SPINK5: variants seen among roughly 807,000 people sequenced by gnomAD.
The protein encoded by SPINK5 is serine protease inhibitor Kazal-type 5.
Under a neutral mutation model 151.8 loss-of-function variants are expected in SPINK5, and 125 were observed. The observed-to-expected ratio is 0.82, with a 90% CI of 0.71 to 0.96. The LOEUF is 0.96. Ranked by LOEUF, SPINK5 falls within the 40% of genes least tolerant of loss-of-function variation. The pLI is 0.00. For missense variants in SPINK5, 1,194 were observed against 1,291.9 expected (o/e 0.92, Z 1.16); for synonymous variants, 374 against 395.3 (o/e 0.95, Z 0.64).
intron 4 of SPINK5, among the ~76,000 whole-genome samples, chr5:148,085,726 G>A (rs917805369): frequency 1.1e-4 from 16 of 151,866 alleles, no homozygotes; most frequent in South Asian, 4.2e-4. Context: ...TTCTCCTGCC[G>A]TACCTAAAAG....
intron 16 of SPINK5, among the ~76,000 whole-genome samples, chr5:148,106,536 C>T (rs1753786829): frequency 6.6e-6 from 1 of 151,894 alleles, no homozygotes; most frequent in African/African-American, 2.4e-5. Context: ...CAGAGTTTTG[C>T]TATTGTGTCC....
At chr5:148,127,167 G>T (rs575377032) in intron 30 of SPINK5, 88 bp downstream of exon 30, 3 of 1,177,086 alleles carry the variant, frequency 2.5e-6, no homozygotes, top group South Asian at 1.3e-5. Flanking sequence ...TTTCATAGAA[G>T]GGTCTGAGGT....
chr5:148,077,637 G>GTATATATATATATATATATA lies in SPINK5; in HGVS notation c.282+5421_282+5440dup, dbSNP rs71001472. 3.6e-3 allele frequency among the ~76,000 whole-genome samples: 484 copies of GTATATATATATATATATATA among 134,902 alleles called. 12 individuals carry two copies. Among genetic ancestry groups the GTATATATATATATATATATA allele is most frequent in the African/African-American group, 0.013 (437 of 34,310 alleles). 88.5% of individuals were successfully genotyped at this position (134,902 alleles called of 152,430 possible). On this transcript the variant is annotated intron_variant, in intron 4 of 32. Coordinates refer to ENST00000256084, the MANE Select transcript of SPINK5 (RefSeq NM_006846.4). The stretch of plus-strand genomic sequence containing the variant: ...AACAATTATAATGCTGTTTTATCAG[G>GTATATATATATATATATATA]TATATATATATATATATATATATGA...
At chr5:148,118,013 GTTTT>G (rs908097800) in intron 22 of SPINK5, among the ~76,000 whole-genome samples, 18 of 148,834 alleles carry the variant, frequency 1.2e-4, no homozygotes, top group Admixed American at 4.7e-4. Flanking sequence ...GATGTTAGGG[GTTTT>G]TTTGTTTGTT....
intron 2 of SPINK5, among the ~76,000 whole-genome samples, chr5:148,066,724 G>A (rs977604126): frequency 1.3e-5 from 2 of 152,096 alleles, no homozygotes; most frequent in Non-Finnish European, 2.9e-5. Flanking sequence ...ATATCATTGT[G>A]TATAAAACCA....
At chr5:148,065,293 G>A (rs1426235293) in intron 1 of SPINK5, 54 bp from the exon 2 acceptor site, 1 of 1,580,624 alleles carries the variant, frequency 6.3e-7, no homozygotes, top group South Asian at 1.1e-5. Flanking sequence ...TATTTGTTTT[G>A]TTTATTAAAT....
intron 16 of SPINK5, among the ~76,000 whole-genome samples, chr5:148,106,759 A>G (rs576218459): frequency 5.3e-4 from 81 of 152,300 alleles, no homozygotes; most frequent in African/African-American, 1.9e-3. Flanking sequence ...AAGCCTGCCT[A>G]TGGAATCTTC....
chr5:148,074,072 G>C (rs574633286), intron 4 of SPINK5, among the ~76,000 whole-genome samples: 1 of 151,548 alleles, frequency 6.6e-6, no homozygotes, highest in Non-Finnish European at 1.5e-5. Context: ...TGTGTTTTTT[G>C]TTGTTGTTGT....
chr5:148,094,582 G>A, intron 9 of SPINK5, 101 bp downstream of exon 9: 1 of 1,593,334 alleles, frequency 6.3e-7, no homozygotes, highest in Non-Finnish European at 8.6e-7. Flanking sequence ...CTTTGTTGTT[G>A]AGAACCATCT....
chr5:148,076,067 C>T (rs897357869), intron 4 of SPINK5, among the ~76,000 whole-genome samples: 4 of 151,798 alleles, frequency 2.6e-5, no homozygotes, highest in African/African-American at 9.7e-5. Context: ...TATAAAGCTG[C>T]GCATATCCGC....
At chr5:148,081,022 G>A (rs1396552399) in intron 4 of SPINK5, among the ~76,000 whole-genome samples, 2 of 151,452 alleles carry the variant, frequency 1.3e-5, no homozygotes, top group African/African-American at 2.4e-5. Flanking sequence ...AACAAGATGC[G>A]CAACACCGTT....
intron 30 of SPINK5, among the ~76,000 whole-genome samples, chr5:148,129,083 A>G (rs1484183501): frequency 6.6e-6 from 1 of 152,180 alleles, no homozygotes; most frequent in Non-Finnish European, 1.5e-5. Context: ...ACCTAAGGGT[A>G]TTGATTCTGT....
chr5:148,096,995 A>G (rs2113102131), intron 10 of SPINK5, among the ~76,000 whole-genome samples: 1 of 151,856 alleles, frequency 6.6e-6, no homozygotes, highest in East Asian at 1.9e-4. Flanking sequence ...TGATATTCAA[A>G]TATCTGTCAA....
chr5:148,091,031 AAATGCTTGTCTCTTGTAAGAGGATC>A (rs1175161066), intron 7 of SPINK5, 109 bp from the exon 8 acceptor site: 2 of 748,616 alleles, frequency 2.7e-6, no homozygotes, highest in African/African-American at 3.5e-5. Context: ...TTGAAGACGG[AAATGCTTGTCTCTTGTAAGAGGATC>A]ATTTTCAGCA....
At chr5:148,114,242 A>AT in intron 20 of SPINK5, 120 bp from the exon 21 acceptor site, 1 of 1,230,794 alleles carries the variant, frequency 8.1e-7, no homozygotes, top group South Asian at 1.4e-5. Flanking sequence ...AACTGCCAGA[A>AT]AAAAAATTCT....
In SPINK5 at chr5:148,111,783, T is replaced by C. The variant is rs746283100; in HGVS notation, c.1708T>C (p.Tyr570His). Residue 570 changes from tyrosine (Y) to histidine (H), a missense_variant, in exon 19 of 33, where the codon TAT becomes CAT. Coordinates refer to ENST00000256084, the MANE Select transcript of SPINK5 (RefSeq NM_006846.4). ...REAVQELCSE[Y>H]RHYVRNGRLP... is the part of the protein sequence containing the mutation. ...CATTTGGCAGGAGCTGTGCAGTGAA[T>C]ATCGTCATTATGTGAGGAATGGACG... 5.6e-6 allele frequency: 9 copies of C among 1,613,892 alleles called. No homozygotes were observed. In the African/African-American group the frequency reaches 9.3e-5, roughly 17 times the overall value.
chr5:148,101,487 C>T (rs976925010), intron 14 of SPINK5, 51 bp downstream of exon 14: 6 of 1,394,496 alleles, frequency 4.3e-6, no homozygotes, highest in Non-Finnish European at 6.1e-6. Context: ...TGAGGATCCA[C>T]AGATCATGTT....
At chr5:148,093,362 A>G (rs969540365) in intron 8 of SPINK5, among the ~76,000 whole-genome samples, 1 of 151,856 alleles carries the variant, frequency 6.6e-6, no homozygotes, top group African/African-American at 2.4e-5. Context: ...GGTGGGGGGA[A>G]GTCACTCCTT....
At chr5:148,073,814 T>TCACACACACA (rs67549762) in intron 4 of SPINK5, among the ~76,000 whole-genome samples, 4 of 113,814 alleles carry the variant, frequency 3.5e-5, no homozygotes, top group East Asian at 5.2e-4. Flanking sequence ...TATGCCTGAG[T>TCACACACACA]CACACACACA....
Sources: gnomAD v4.1 joint callset for allele counts (sites outside exome capture counted in the v4.1 genomes callset) on GRCh38, gnomAD v4.1.1 for gene constraint, MANE v1.5 for transcripts, NCBI Gene and HGNC (gene_info 2026-07-23, HGNC 2026-07-21) for gene names.